Variants in BDH1 observed in about 807,000 individuals in gnomAD.
The protein encoded by BDH1 is 3-hydroxybutyrate dehydrogenase 1.
A neutral mutation model predicts 33.1 loss-of-function variants in BDH1; 30 were observed. That is an observed-to-expected ratio of 0.91 (90% CI 0.68 to 1.23). The LOEUF (loss-of-function observed/expected upper bound fraction) is 1.23. Ranked by LOEUF, BDH1 falls within the 50% of genes most tolerant of loss-of-function variation. The probability of loss-of-function intolerance (pLI) is 0.00; values close to 1 mark genes in which losing one functional copy is unlikely to be tolerated. For synonymous variants in BDH1, 190 were observed against 183.6 expected (o/e 1.03, Z -0.28); for missense variants, 443 against 464.4 (o/e 0.95, Z 0.42).
chr3:197,549,074 T>C (rs907195472), intron 2 of BDH1, among the ~76,000 whole-genome samples: 3 of 152,106 alleles, frequency 2.0e-5, no homozygotes, highest in Non-Finnish European at 4.4e-5. Context: ...CACACACCAC[T>C]TTCTTGCCTT....
rs1317767547 is a variant in BDH1 at position 197,523,623 on chromosome 3, G to C, written c.268-842C>G. 2.6e-5 allele frequency among the ~76,000 whole-genome samples: 4 copies of C among 152,228 alleles called. No homozygotes were observed. The East Asian group carries it at 7.7e-4, about 29-fold the overall frequency. ...CTATCGTGTTCCGGCACTGTGCTAG[G>C]AACTGGAGGTCAAGATCAATCATTC... On this transcript the variant is annotated intron_variant, in intron 5 of 7. Transcript: ENST00000392379. This position sits in a 1 kb window ranked among gnomAD's most constrained non-coding sequence, Gnocchi z 4.5.
intron 5 of BDH1, among the ~76,000 whole-genome samples, chr3:197,527,685 C>G (rs902777062): frequency 1.1e-4 from 16 of 152,094 alleles, no homozygotes; most frequent in Admixed American, 6.5e-4. Flanking sequence ...TCAGATGCAC[C>G]CTGCACACTC....
chr3:197,511,677 T>A lies in BDH1; in HGVS notation c.*218A>T. ...AGATTCACCATGTTTGCCCTGAGAT[T>A]TAGAGGCCTCTGCCTGCCACTCCAC... On this transcript the variant is annotated 3_prime_UTR_variant, in exon 8 of 8. Transcript: ENST00000392379. The A allele has an allele frequency of 2.1e-6, 1 of 473,796 alleles. No homozygotes were observed. Among genetic ancestry groups the A allele is most frequent in the Non-Finnish European group, 3.7e-6 (1 of 271,452 alleles). 29.3% of individuals were successfully genotyped at this position (473,796 alleles called of 1,614,324 possible).
At chr3:197,517,246 G>A (rs541704977) in intron 6 of BDH1, among the ~76,000 whole-genome samples, 38 of 59,464 alleles carry the variant, frequency 6.4e-4, no homozygotes, top group Middle Eastern at 7.1e-3. Context: ...CCCTCAGGCC[G>A]ACCCCCGCAT....
At position 197,548,871 on chromosome 3, in the gene BDH1, AAAACAAAAAAAACAC is replaced by A. The variant is rs1315794623; in HGVS notation, c.-43-2400_-43-2386del. On this transcript the variant is annotated intron_variant, in intron 2 of 7. Coordinates refer to ENST00000392379, the MANE Select transcript of BDH1 (RefSeq NM_203314.3). ...GTCTCAAAAACAAAAATAACAAAAA[AAAACAAAAAAAACAC>A]AAAAAACTCAGTCCCTTGAACAATG... Among the ~76,000 whole-genome samples, 5 of 150,898 alleles carry A rather than the reference AAAACAAAAAAAACAC, an allele frequency of 3.3e-5. No individual in the cohort carries two copies. The East Asian group carries it at 7.7e-4, about 23-fold the overall frequency.
intron 3 of BDH1, chr3:197,543,146 G>A (rs1001508627): frequency 1.8e-5 from 18 of 985,286 alleles, no homozygotes; most frequent in Non-Finnish European, 2.0e-5. Context: ...GCTGAGAGGA[G>A]CCATGAGTCC....
chr3:197,564,234 TAAGA>T (rs1195934727), intron 1 of BDH1, among the ~76,000 whole-genome samples: 1 of 151,958 alleles, frequency 6.6e-6, no homozygotes, highest in Non-Finnish European at 1.5e-5. Flanking sequence ...ACTGGTTGCT[TAAGA>T]AAGAGGGATG....
At chr3:197,544,889 A>G (rs1006205333) in intron 3 of BDH1, among the ~76,000 whole-genome samples, 2 of 152,220 alleles carry the variant, frequency 1.3e-5, no homozygotes, top group Non-Finnish European at 2.9e-5. Context: ...TCTACTAAAA[A>G]TACAAAAAAT....
chr3:197,519,498 TA>T (rs781300535), intron 6 of BDH1, among the ~76,000 whole-genome samples: 738 of 130,620 alleles, frequency 5.6e-3, no homozygotes, highest in Middle Eastern at 7.9e-3. Context: ...CCTTCTTTAC[TA>T]AAAAAAAAAA....
In BDH1 at chr3:197,521,258, G is replaced by C. The variant is rs117070486; in HGVS notation, c.409+1382C>G. Among the ~76,000 whole-genome samples, 2,644 of 152,240 alleles carry C rather than the reference G, an allele frequency of 0.017. 48 individuals carry two copies. The highest frequency in any genetic ancestry group is 0.099 in the East Asian group (515 of 5,176). On this transcript the variant is annotated intron_variant, in intron 6 of 7. Transcript: ENST00000392379. This position sits in a 1 kb window ranked among gnomAD's most constrained non-coding sequence, Gnocchi z 4.9. ...TTCGCTTCTCCAGATGCTGCTGGGCGGCCCGGCTCCAGGGAGCTCCATCCC... is the reference window on the plus strand; with the variant it reads ...TTCGCTTCTCCAGATGCTGCTGGGCCGCCCGGCTCCAGGGAGCTCCATCCC...
At chr3:197,567,020 C>T (rs770570321) in intron 1 of BDH1, among the ~76,000 whole-genome samples, 6 of 152,100 alleles carry the variant, frequency 3.9e-5, no homozygotes, top group Non-Finnish European at 7.4e-5. Context: ...TGGCCTATAT[C>T]GATTTTCCAG....
chr3:197,569,270 T>C (rs1332506874), intron 1 of BDH1, among the ~76,000 whole-genome samples: 2 of 152,038 alleles, frequency 1.3e-5, no homozygotes, highest in East Asian at 3.9e-4. Flanking sequence ...TTTTCTAGAG[T>C]TACAGGAACT....
At chr3:197,549,986 T>TATATATATATATATATATATATATA (rs3061417) in intron 2 of BDH1, among the ~76,000 whole-genome samples, 2 of 149,576 alleles carry the variant, frequency 1.3e-5, no homozygotes, top group African/African-American at 5.1e-5. Context: ...TATATATATA[T>TATATATATATATATATATATATATA]TTGGCCATTC....
chr3:197,515,878 G>T, intron 6 of BDH1: 1 of 188,776 alleles, frequency 5.3e-6, no homozygotes, highest in African/African-American at 2.4e-5. Flanking sequence ...ACTCCAGCCT[G>T]GGTGACAGAG....
At chr3:197,555,130 G>T (rs1157390608) in intron 1 of BDH1, among the ~76,000 whole-genome samples, 1 of 152,244 alleles carries the variant, frequency 6.6e-6, no homozygotes, top group Non-Finnish European at 1.5e-5. Flanking sequence ...CTGTCCCCGC[G>T]GCTCCTCCTC....
chr3:197,566,096 A>G (rs1052858318), intron 1 of BDH1, among the ~76,000 whole-genome samples: 12 of 152,236 alleles, frequency 7.9e-5, no homozygotes, highest in African/African-American at 2.9e-4. Flanking sequence ...AATTTAGACC[A>G]TATTTGTTTC....
intron 6 of BDH1, chr3:197,515,910 ACACACG>A (rs1277012664): frequency 8.4e-5 from 13 of 154,306 alleles, no homozygotes; most frequent in South Asian, 2.0e-4. Flanking sequence ...ACACACACAC[ACACACG>A]CGCGCGCGCG....
rs558403187 is a variant in BDH1, at chr3:197,526,135, G to A, written c.268-3354C>T. Among the ~76,000 whole-genome samples, 2 of 152,160 alleles carry A rather than the reference G, an allele frequency of 1.3e-5. No homozygotes were observed. The highest frequency in any genetic ancestry group is 2.9e-5 in the Non-Finnish European group (2 of 68,028). The stretch of plus-strand genomic sequence containing the variant: ...CACTCATTCTCAGACAGTGGACAGA[G>A]AGCCTCTTTGTTTTGGCATGAAGAG... On this transcript the variant is annotated intron_variant, in intron 5 of 7. Transcript: ENST00000392379. The surrounding 1 kb of genome is among the most constrained non-coding windows in gnomAD (Gnocchi z 4.7).
At chr3:197,515,196 TA>T (rs1479098473) in intron 6 of BDH1, among the ~76,000 whole-genome samples, 12 of 152,210 alleles carry the variant, frequency 7.9e-5, no homozygotes, top group African/African-American at 2.7e-4. Flanking sequence ...TTACCCAAAT[TA>T]AAGCTTCATT....
Sources: gnomAD v4.1 joint callset for allele counts (sites outside exome capture counted in the v4.1 genomes callset) on GRCh38, gnomAD v4.1.1 for gene constraint, Gnocchi (gnomAD v3.1) non-coding constraint, MANE v1.5 for transcripts, NCBI Gene and HGNC (gene_info 2026-07-23, HGNC 2026-07-21) for gene names.